Variants in CSMD1 observed in about 807,000 individuals in gnomAD.
CSMD1 encodes the protein CUB and sushi domain-containing protein 1.
Under a neutral mutation model 417.5 loss-of-function variants are expected in CSMD1, and 213 were observed. The observed-to-expected ratio is 0.51, with a 90% CI of 0.46 to 0.57. The LOEUF is 0.57. CSMD1 is among the 20% of genes least tolerant of loss of function. The pLI is 0.00. For missense variants in CSMD1, 6,923 were observed against 4,529.7 expected (o/e 1.53, Z -15.17); for synonymous variants, 2,862 against 1,736.8 (o/e 1.65, Z -16.11).
intron 5 of CSMD1, among the ~76,000 whole-genome samples, chr8:3,908,155 C>T (rs925219334): frequency 6.6e-6 from 1 of 152,134 alleles, no homozygotes; most frequent in African/African-American, 2.4e-5. Flanking sequence ...CACTATAAAC[C>T]TGCATTTATG....
intron 3 of CSMD1, among the ~76,000 whole-genome samples, chr8:4,120,874 G>A (rs908703379): frequency 4.6e-5 from 7 of 152,056 alleles, no homozygotes; most frequent in African/African-American, 1.2e-4. Flanking sequence ...AATTTTTTCT[G>A]TTTTATTGTT....
intron 1 of CSMD1, among the ~76,000 whole-genome samples, chr8:4,649,536 C>T (rs1803750351): frequency 6.6e-6 from 1 of 152,172 alleles, no homozygotes; most frequent in South Asian, 2.1e-4. Context: ...CTCATCCTAT[C>T]CTGACACAAT....
intron 3 of CSMD1, among the ~76,000 whole-genome samples, chr8:4,149,414 A>C (rs1796450052): frequency 6.6e-6 from 1 of 152,196 alleles, no homozygotes; most frequent in Non-Finnish European, 1.5e-5. Context: ...CATAGCTCTG[A>C]GCAATATTTG....
At chr8:3,801,528 T>C (rs1216300061) in intron 5 of CSMD1, among the ~76,000 whole-genome samples, 2 of 152,104 alleles carry the variant, frequency 1.3e-5, no homozygotes, top group African/African-American at 4.8e-5. Context: ...TGTCGGAAAG[T>C]AAAATGTTAG....
intron 3 of CSMD1, among the ~76,000 whole-genome samples, chr8:4,231,363 A>G (rs1007088424): frequency 6.6e-6 from 1 of 152,184 alleles, no homozygotes; most frequent in African/African-American, 2.4e-5. Flanking sequence ...ATTGCTGGAT[A>G]ATTTTCCTCC....
At chr8:3,511,177 C>T (rs373173016) in intron 10 of CSMD1, among the ~76,000 whole-genome samples, 2 of 151,722 alleles carry the variant, frequency 1.3e-5, no homozygotes, top group East Asian at 1.9e-4. Flanking sequence ...GGGAGTTGAA[C>T]AATGAGGACA....
intron 5 of CSMD1, among the ~76,000 whole-genome samples, chr8:3,774,735 G>C (rs1293665427): frequency 6.6e-6 from 1 of 151,952 alleles, no homozygotes; most frequent in African/African-American, 2.4e-5. Context: ...AAATTTTGGT[G>C]AAAGGATTTC....
intron 1 of CSMD1, among the ~76,000 whole-genome samples, chr8:4,807,698 CTTA>C (rs1167208634): frequency 6.6e-6 from 1 of 151,814 alleles, no homozygotes; most frequent in African/African-American, 2.4e-5. Context: ...TAAATGTTTT[CTTA>C]TATGTTAAAC....
chr8:3,358,160 A>G (rs950778873), intron 21 of CSMD1, among the ~76,000 whole-genome samples: 2 of 152,208 alleles, frequency 1.3e-5, no homozygotes, highest in Admixed American at 6.5e-5. Context: ...TTTTATCTTC[A>G]GACCTTCCCC....
chr8:3,733,503 C>A (rs912961933), intron 6 of CSMD1, among the ~76,000 whole-genome samples: 1 of 151,774 alleles, frequency 6.6e-6, no homozygotes, highest in Non-Finnish European at 1.5e-5. Context: ...CACGGTCAAC[C>A]GCGTTCTGAA....
At chr8:3,837,376 C>G (rs944311952) in intron 5 of CSMD1, among the ~76,000 whole-genome samples, 1 of 152,124 alleles carries the variant, frequency 6.6e-6, no homozygotes, top group African/African-American at 2.4e-5. Context: ...ACTAAATGGT[C>G]TGCAGAAAAT....
chr8:3,454,762 A>T (rs1266026826), intron 12 of CSMD1, among the ~76,000 whole-genome samples: 1 of 151,894 alleles, frequency 6.6e-6, no homozygotes, highest in Non-Finnish European at 1.5e-5. Context: ...CTTCATCTCT[A>T]CTTTGCTGAA....
intron 25 of CSMD1, among the ~76,000 whole-genome samples, chr8:3,291,949 C>G (rs1208323636): frequency 6.6e-6 from 1 of 151,818 alleles, no homozygotes; most frequent in Non-Finnish European, 1.5e-5. Flanking sequence ...TTCCTGCTTT[C>G]TCTTGTGGGC....
At chr8:4,497,745 C>T (rs1430819707) in intron 2 of CSMD1, among the ~76,000 whole-genome samples, 2 of 152,286 alleles carry the variant, frequency 1.3e-5, no homozygotes, top group South Asian at 2.1e-4. Context: ...CACAAAGCTC[C>T]CCGAAACAAT....
chr8:3,199,890 T>C (rs1440715925), intron 32 of CSMD1, 81 bp from the exon 33 acceptor site: 2 of 774,358 alleles, frequency 2.6e-6, no homozygotes, highest in Admixed American at 2.8e-5. Context: ...GGTGATAAAG[T>C]TGAAATTTCA....
intron 23 of CSMD1, among the ~76,000 whole-genome samples, chr8:3,318,718 G>A (rs924726): frequency 0.48 from 73,394 of 151,922 alleles, 18,576 homozygotes; most frequent in South Asian, 0.59. Context: ...GGTGGTCACA[G>A]GAGTTCCCTA....
chr8:4,258,882 G>A (rs183067582), intron 3 of CSMD1, among the ~76,000 whole-genome samples: 16 of 152,256 alleles, frequency 1.1e-4, no homozygotes, highest in East Asian at 9.7e-4. Context: ...CTACCTGGCC[G>A]TGCCATGTGT....
rs187570273 is a variant in CSMD1, at chr8:3,992,491, T to C, written c.818+5412A>G. Among the ~76,000 whole-genome samples, 110 of 152,316 alleles carry C rather than the reference T, an allele frequency of 7.2e-4. No homozygotes were observed. The Middle Eastern group carries it at 0.017, about 24-fold the overall frequency. On this transcript the variant is annotated intron_variant, in intron 5 of 69. Coordinates refer to ENST00000635120, the MANE Select transcript of CSMD1 (RefSeq NM_033225.6). ...AAAATTACTGAATCCAAATTTAAGA[T>C]AGAAAATATGGGACTGGCTGTTGTG...
At chr8:3,143,350 T>G (rs1818625255) in intron 40 of CSMD1, among the ~76,000 whole-genome samples, 1 of 152,204 alleles carries the variant, frequency 6.6e-6, no homozygotes, top group South Asian at 2.1e-4. Context: ...AAACCCAATC[T>G]AATCAACCGC....
Sources: allele counts gnomAD v4.1 joint callset (sites outside exome capture counted in the v4.1 genomes callset), GRCh38; gene constraint gnomAD v4.1.1; transcripts MANE v1.5; gene names NCBI Gene and HGNC (gene_info 2026-07-23, HGNC 2026-07-21).